The following SIPA1L2 variants were observed in gnomAD, a reference collection of about 807,000 sequenced individuals.
The protein encoded by SIPA1L2 is signal induced proliferation associated 1 like 2.
SIPA1L2 carries 56 observed loss-of-function variants against 163.9 expected under a neutral mutation model. The observed-to-expected ratio is 0.34, with a 90% CI of 0.28 to 0.43. The LOEUF is 0.43. Ranked by LOEUF, SIPA1L2 falls within the 20% of genes least tolerant of loss-of-function variation. The probability of loss-of-function intolerance (pLI) is 1.00; values close to 1 mark genes in which losing one functional copy is unlikely to be tolerated. For synonymous variants in SIPA1L2, 877 were observed against 865.7 expected (o/e 1.01, Z -0.23); for missense variants, 1,974 against 2,193.5 (o/e 0.90, Z 2.00).
intron 16 of SIPA1L2, among the ~76,000 whole-genome samples, chr1:232,428,859 T>C (rs1020044435): frequency 6.6e-6 from 1 of 152,154 alleles, no homozygotes; most frequent in Non-Finnish European, 1.5e-5. Flanking sequence ...GTTTTCCCTT[T>C]CCTAATCTGT....
intron 21 of SIPA1L2, among the ~76,000 whole-genome samples, chr1:232,402,984 G>A (rs1660434536): frequency 6.6e-6 from 1 of 151,698 alleles, no homozygotes. Context: ...AGAGTGGGGT[G>A]TTCCCAACAT....
At chr1:232,470,791 C>T (rs2102944925) in intron 8 of SIPA1L2, among the ~76,000 whole-genome samples, 1 of 152,304 alleles carries the variant, frequency 6.6e-6, no homozygotes, top group South Asian at 2.1e-4. Context: ...AAGCTGGTTT[C>T]AAACTCTGGT....
At chr1:232,595,084 G>A (rs12740808) in intron 1 of SIPA1L2, among the ~76,000 whole-genome samples, 15,576 of 152,192 alleles carry the variant, frequency 0.1, 872 homozygotes, top group African/African-American at 0.12. Flanking sequence ...CTACACAACC[G>A]TGGCTAGCTG....
At chr1:232,482,844 G>A (rs1665433856) in intron 6 of SIPA1L2, among the ~76,000 whole-genome samples, 1 of 152,268 alleles carries the variant, frequency 6.6e-6, no homozygotes, top group South Asian at 2.1e-4. Context: ...ACACCCTGAC[G>A]CTCCCACACA....
chr1:232,611,862 G>C (rs1375732510), intron 1 of SIPA1L2, among the ~76,000 whole-genome samples: 2 of 152,216 alleles, frequency 1.3e-5, no homozygotes, highest in Non-Finnish European at 2.9e-5. Flanking sequence ...TTATCCCCAA[G>C]ACAATGGGGA....
chr1:232,566,529 C>G (rs1659416029), intron 2 of SIPA1L2, among the ~76,000 whole-genome samples: 1 of 152,206 alleles, frequency 6.6e-6, no homozygotes, highest in Non-Finnish European at 1.5e-5. Flanking sequence ...ATATACAAAA[C>G]TGTCTTTATA....
rs1033316585 is a variant in SIPA1L2, at chr1:232,424,753, G to A, written c.4630+836C>T. Among the ~76,000 whole-genome samples, 3 of 152,136 alleles carry A rather than the reference G, an allele frequency of 2.0e-5. No homozygotes were observed. In the East Asian group the frequency reaches 5.8e-4, roughly 29 times the overall value. ...ACATTGGAAATATTATTAGAACTTT[G>A]ATTTCATTTAGCCTGGGACTTCTAA... On this transcript the variant is annotated intron_variant, in intron 18 of 22. Coordinates refer to ENST00000674635, the MANE Select transcript of SIPA1L2 (RefSeq NM_020808.5).
chr1:232,478,089 A>C (rs1179876744), intron 7 of SIPA1L2, among the ~76,000 whole-genome samples: 1 of 152,242 alleles, frequency 6.6e-6, no homozygotes, highest in Non-Finnish European at 1.5e-5. Context: ...AAGCCTCTTA[A>C]GATCCAGTGA....
intron 1 of SIPA1L2, among the ~76,000 whole-genome samples, chr1:232,607,418 T>C (rs1459076283): frequency 2.0e-5 from 3 of 152,210 alleles, no homozygotes; most frequent in Admixed American, 2.0e-4. Flanking sequence ...TTTTTTCCAA[T>C]TTTTAATGTA....
intron 2 of SIPA1L2, among the ~76,000 whole-genome samples, chr1:232,555,067 C>T (rs1658620245): frequency 6.6e-6 from 1 of 152,180 alleles, no homozygotes; most frequent in Non-Finnish European, 1.5e-5. Flanking sequence ...ACTTTAAAAT[C>T]AGTTACAATA....
Position 232,425,948 on chromosome 1 carries a change from C to A in SIPA1L2, c.4411-140G>T, listed in dbSNP as rs75786332. 4.6e-4 allele frequency: 334 copies of A among 732,090 alleles called. 2 individuals are homozygous for A. The East Asian group carries it at 8.5e-3, about 19-fold the overall frequency. 45.3% of individuals were successfully genotyped at this position (732,090 alleles called of 1,614,324 possible). A position where few individuals can be genotyped will look rare whatever the true frequency, so the allele number is the denominator to read the frequency against. On this transcript the variant is annotated intron_variant, in intron 17 of 22. Transcript: ENST00000674635. ...TCTCTGTTAGCTCAAGAATGCCAAA[C>A]GCAGCATGCAGGGGATCAAGGCAAA...
In SIPA1L2 at chr1:232,514,917, G is replaced by A. The variant is rs374772228; in HGVS notation, c.423C>T (p.Ile141=). 1.9e-5 allele frequency: 30 copies of A among 1,614,124 alleles called. 1 individual carries two copies. Among genetic ancestry groups the A allele is most frequent in the Admixed American group, 1.2e-4 (7 of 60,016 alleles). Residue 141 remains isoleucine (I), a synonymous_variant, in exon 3 of 23, where the codon ATC becomes ATT. Transcript: ENST00000674635. The stretch of plus-strand genomic sequence containing the variant: ...GGGGGGAATGGACAAAGATGTCTCC[G>A]ATTGTGTACTTGGCCTCCACGAAGT... ...DLDFVEAKYT[I]GDIFVHSPQR... is the part of the protein sequence containing the mutation.
In SIPA1L2 at chr1:232,514,512, C is replaced by T. The variant is rs749587823; in HGVS notation, c.828G>A (p.Lys276=). The T allele has an allele frequency of 2.0e-5, 32 of 1,614,100 alleles. No homozygotes were observed. The South Asian group carries it at 3.2e-4, about 16-fold the overall frequency. ...SALLMGRDRD[K]PFKRRLKSES... is the part of the protein sequence containing the mutation. ...CTGATTTCAACCTCCGTTTGAAAGG[C>T]TTGTCCCTGTCTCTCCCCATCAGGA... Residue 276 remains lysine, a synonymous_variant, in exon 3 of 23, where the codon AAG becomes AAA. Coordinates refer to ENST00000674635, the MANE Select transcript of SIPA1L2 (RefSeq NM_020808.5).
At chr1:232,432,131 TG>T in intron 16 of SIPA1L2, 115 bp downstream of exon 16, 1 of 801,978 alleles carries the variant, frequency 1.2e-6, no homozygotes, top group Non-Finnish European at 1.9e-6. Flanking sequence ...TTAAGAAAGA[TG>T]TTTTTAGATT....
chr1:232,472,870 A>G (rs10495327), intron 7 of SIPA1L2, among the ~76,000 whole-genome samples: 9,608 of 152,314 alleles, frequency 0.063, 560 homozygotes, highest in Admixed American at 0.18. Context: ...GCATGATAAA[A>G]GGCCTGGAAA....
chr1:232,410,318 C>G (rs1660875668), intron 19 of SIPA1L2, among the ~76,000 whole-genome samples: 1 of 152,064 alleles, frequency 6.6e-6, no homozygotes, highest in Non-Finnish European at 1.5e-5. Context: ...ATTGATATAG[C>G]TTTTAATTAC....
At chr1:232,599,216 C>A (rs1296256431) in intron 1 of SIPA1L2, among the ~76,000 whole-genome samples, 1 of 152,142 alleles carries the variant, frequency 6.6e-6, no homozygotes, top group Non-Finnish European at 1.5e-5. Context: ...AAAAAACAAA[C>A]AAACAGTGGT....
intron 2 of SIPA1L2, among the ~76,000 whole-genome samples, chr1:232,564,104 T>A (rs1184604843): frequency 1.6e-5 from 2 of 124,520 alleles, no homozygotes; most frequent in African/African-American, 3.9e-5. Context: ...GAAGGTTTCA[T>A]CATGTTGGCC....
At chr1:232,444,722 A>G (rs1663105924) in intron 11 of SIPA1L2, among the ~76,000 whole-genome samples, 2 of 152,228 alleles carry the variant, frequency 1.3e-5, no homozygotes, top group Non-Finnish European at 2.9e-5. Flanking sequence ...TGTCAGATGA[A>G]GAAACTGGAG....
Sources: gnomAD v4.1 joint callset for allele counts (sites outside exome capture counted in the v4.1 genomes callset) on GRCh38, gnomAD v4.1.1 for gene constraint, MANE v1.5 for transcripts, NCBI Gene and HGNC (gene_info 2026-07-23, HGNC 2026-07-21) for gene names.